NOL9: variants seen among roughly 807,000 people sequenced by gnomAD.
The protein encoded by NOL9 is polynucleotide 5'-hydroxyl-kinase NOL9.
In NOL9, 28 loss-of-function variants were observed where a neutral mutation model predicts 67.9. That is an observed-to-expected ratio of 0.41 (90% CI 0.31 to 0.57). The LOEUF is 0.57. NOL9 is among the 20% of genes least tolerant of loss of function. NOL9 has a pLI of 0.25. For missense variants in NOL9, 777 were observed against 897.0 expected (o/e 0.87, Z 1.71); for synonymous variants, 356 against 352.2 (o/e 1.01, Z -0.12).
intron 9 of NOL9, among the ~76,000 whole-genome samples, chr1:6,529,685 G>T (rs1175485282): frequency 6.6e-6 from 1 of 152,154 alleles, no homozygotes; most frequent in Non-Finnish European, 1.5e-5. Flanking sequence ...CAACCCATTG[G>T]GAGGCCAAGG....
intron 5 of NOL9, among the ~76,000 whole-genome samples, chr1:6,542,716 C>CA (rs1639326357): frequency 6.6e-6 from 1 of 152,098 alleles, no homozygotes; most frequent in Non-Finnish European, 1.5e-5. Context: ...CTCAGCCTCC[C>CA]AAAGTGCTGG....
intron 10 of NOL9, among the ~76,000 whole-genome samples, chr1:6,528,123 C>A (rs1052026358): frequency 6.6e-6 from 1 of 152,158 alleles, no homozygotes; most frequent in African/African-American, 2.4e-5. Context: ...TAATTTGGGA[C>A]TACTTAGCTC....
At chr1:6,550,746 C>T (rs1314794197) in intron 1 of NOL9, 131 bp from the exon 2 acceptor site, 6 of 650,412 alleles carry the variant, frequency 9.2e-6, no homozygotes, top group Admixed American at 6.0e-5. Context: ...TACAATGGCA[C>T]AATCTCGGCT....
intron 1 of NOL9, among the ~76,000 whole-genome samples, chr1:6,553,102 G>A (rs948073278): frequency 2.0e-5 from 3 of 152,192 alleles, no homozygotes; most frequent in Non-Finnish European, 1.5e-5. Context: ...CTGAGCCACC[G>A]CGCCTGGCCC....
Position 6,532,584 on chromosome 1 carries a change from C to T in NOL9, c.1414G>A (p.Ala472Thr), listed in dbSNP as rs150920692. ...TKMRNRRFRL[A>T]AFADALEFAD... is the part of the protein sequence containing the mutation. ...AATTCCAAAGCATCTGCAAATGCTGCGAGTCTGAAACGTCGATTTCTCATC... is the reference window on the plus strand; with the variant it reads ...AATTCCAAAGCATCTGCAAATGCTGTGAGTCTGAAACGTCGATTTCTCATC... Residue 472 changes from alanine to threonine, a missense_variant, in exon 8 of 12, where the codon GCA becomes ACA. By Grantham distance (58) the Ala-to-Thr change is moderately conservative (BLOSUM62 0). This residue lies in a region of NOL9 where 413 missense variants were observed against 552.6 expected (regional missense o/e 0.75). Coordinates refer to ENST00000377705, the MANE Select transcript of NOL9 (RefSeq NM_024654.5). 27 of 1,614,032 alleles carry T rather than the reference C, an allele frequency of 1.7e-5. No individual in the cohort carries two copies. The highest frequency in any genetic ancestry group is 2.2e-5 in the Non-Finnish European group (26 of 1,180,040).
chr1:6,529,181 G>A lies in NOL9; in HGVS notation c.1648-10C>T. On this transcript the variant is annotated splice_polypyrimidine_tract_variant and intron_variant, in intron 9 of 11. Coordinates refer to ENST00000377705, the MANE Select transcript of NOL9 (RefSeq NM_024654.5). Reference sequence around the variant, plus strand: ...CTGCATTGAAAGGGACCTGGAAAATGAATTTGCATCTCACTCTATTCATGG... The same window carrying A: ...CTGCATTGAAAGGGACCTGGAAAATAAATTTGCATCTCACTCTATTCATGG... 6.2e-7 allele frequency: 1 copy of A among 1,608,896 alleles called. No homozygotes were observed. The highest frequency in any genetic ancestry group is 8.5e-7 in the Non-Finnish European group (1 of 1,175,714).
chr1:6,524,252 T>TAG lies in NOL9; in HGVS notation c.*1601_*1602insCT, dbSNP rs1638831158. On this transcript the variant is annotated 3_prime_UTR_variant, in exon 12 of 12. Transcript: ENST00000377705. Reference sequence around the variant, plus strand: ...TAAAGACAATGATAACCAACAGTTGTATAAGTGTATATAAGTGTTAAAACC... The same window carrying TAG: ...TAAAGACAATGATAACCAACAGTTGTAGATAAGTGTATATAAGTGTTAAAACC... The TAG allele has an allele frequency of 2.2e-3, 1 of 452 alleles. No individual in the cohort carries two copies. 0.0% of individuals were successfully genotyped at this position (452 alleles called of 1,614,324 possible). A position where few individuals can be genotyped will look rare whatever the true frequency, so the allele number is the denominator to read the frequency against.
intron 6 of NOL9, 112 bp from the exon 7 acceptor site, chr1:6,533,553 G>A (rs575895413): frequency 5.3e-6 from 4 of 749,034 alleles, no homozygotes; most frequent in Non-Finnish European, 8.0e-6. Flanking sequence ...AGAACCTTAG[G>A]AAATCTGAGA....
rs1332610235 is a variant in NOL9, at chr1:6,553,971, G to A, written c.396+136C>T. 7 of 664,906 alleles carry A rather than the reference G, an allele frequency of 1.1e-5. No homozygotes were observed. The East Asian group carries it at 1.4e-4, about 13-fold the overall frequency. The allele number at this position is 664,906 out of a possible 1,614,324, so 41.2% of individuals were successfully genotyped here. On this transcript the variant is annotated intron_variant, in intron 1 of 11. Transcript: ENST00000377705. Reference sequence around the variant, plus strand: ...GCCTAGTTGCCACCAACCATCAAGAGGATGGACTTGAATCCGACTGGCAGC... The same window carrying A: ...GCCTAGTTGCCACCAACCATCAAGAAGATGGACTTGAATCCGACTGGCAGC...
intron 3 of NOL9, among the ~76,000 whole-genome samples, chr1:6,545,461 A>G (rs1244910677): frequency 3.3e-5 from 5 of 152,250 alleles, no homozygotes; most frequent in Non-Finnish European, 7.3e-5. Flanking sequence ...CACAGGAAAC[A>G]TTCAGCAGGA....
chr1:6,554,454 A>G lies in NOL9; in HGVS notation c.49T>C (p.Trp17Arg). The change falls in exon 1 of 12, where the codon TGG (tryptophan) becomes CGG (arginine). Residue 17 changes from tryptophan (W) to arginine (R), a missense_variant. Physicochemically the swap from Trp to Arg is moderately radical, Grantham distance 101. This residue lies in a region of NOL9 where 364 missense variants were observed against 344.4 expected (regional missense o/e 1.06). Transcript: ENST00000377705. ...GGCCGGGCCTTGCGGACCCGCAGCC[A>G]AGTGGAACGGCAGGAACCCCGCTTT... ...LLKRGSCRST[W>R]LRVRKARPQL... The G allele has an allele frequency of 6.4e-7, 1 of 1,551,700 alleles. No homozygotes were observed. Among genetic ancestry groups the G allele is most frequent in the East Asian group, 2.6e-5 (1 of 38,206 alleles).
intron 6 of NOL9, among the ~76,000 whole-genome samples, chr1:6,534,858 C>T (rs1639113918): frequency 6.6e-6 from 1 of 152,090 alleles, no homozygotes; most frequent in Non-Finnish European, 1.5e-5. Context: ...GGCTGGAGTG[C>T]AGTGGCGCAA....
chr1:6,529,303 A>T (rs902646308), intron 9 of NOL9, 132 bp from the exon 10 acceptor site: 4 of 811,364 alleles, frequency 4.9e-6, no homozygotes, highest in Admixed American at 5.3e-5. Flanking sequence ...TCTAAAGAAT[A>T]AAAACAGCCA....
At position 6,541,947 on chromosome 1, in the gene NOL9, A is replaced by G. The variant is rs1209519894; in HGVS notation, c.978-20T>C. 1.3e-6 allele frequency: 2 copies of G among 1,514,762 alleles called. No individual in the cohort carries two copies. The highest frequency in any genetic ancestry group is 2.8e-5 in the African/African-American group (2 of 71,296). 93.8% of individuals were successfully genotyped at this position (1,514,762 alleles called of 1,614,324 possible). ...GGAAGACTGCAAATTTTTAAAAAAG[A>G]AAAAAGAAAGAAAATCCTAACTAGC... On this transcript the variant is annotated intron_variant, in intron 5 of 11. Transcript: ENST00000377705.
At position 6,554,391 on chromosome 1, in the gene NOL9, C is replaced by A. The variant is rs1184201978; in HGVS notation, c.112G>T (p.Gly38Trp). 6.7e-7 allele frequency: 1 copy of A among 1,491,374 alleles called. No individual in the cohort carries two copies. The highest frequency in any genetic ancestry group is 1.5e-5 in the African/African-American group (1 of 68,850). The allele number at this position is 1,491,374 out of a possible 1,614,324, so 92.4% of individuals were successfully genotyped here. Residue 38 changes from glycine (G) to tryptophan (W), a missense_variant, in exon 1 of 12, where the codon GGG becomes TGG. By Grantham distance (184) the Gly-to-Trp change is radical. Transcript: ENST00000377705. ...CGCCGACCGCACCAGCGCAGGCTCCCGAGCCGGCGGCGGGGCCGGCGGCTG... is the reference window on the plus strand; with the variant it reads ...CGCCGACCGCACCAGCGCAGGCTCCAGAGCCGGCGGCGGGGCCGGCGGCTG... ...ILSRRPRRRL[G>W]SLRWCGRRRL...
At position 6,531,957 on chromosome 1, in the gene NOL9, G is replaced by A. The variant is rs762480271; in HGVS notation, c.1647+11C>T. The A allele has an allele frequency of 7.5e-6, 12 of 1,602,334 alleles. No homozygotes were observed. In the African/African-American group the frequency reaches 1.1e-4, roughly 14 times the overall value. ...AAAATGAAGACAATTTCTCCTGTAA[G>A]TTCAGATTACCTGATAGGGTGTCAG... On this transcript the variant is annotated intron_variant, in intron 9 of 11. Coordinates refer to ENST00000377705, the MANE Select transcript of NOL9 (RefSeq NM_024654.5).
chr1:6,526,002 C>T lies in NOL9; in HGVS notation c.1961G>A (p.Arg654His), dbSNP rs771563405. The change falls in exon 12 of 12, where the codon CGT becomes CAT. Residue 654 changes from arginine to histidine, a missense_variant and splice_region_variant. Physicochemically the swap from Arg to His is conservative, Grantham distance 29. Transcript: ENST00000377705. The stretch of plus-strand genomic sequence containing the variant: ...ATAAGGTACTGTCCCTTCGATCCCA[C>T]GCTGAAACGGAAACACAGAGAATGC... Reference protein sequence around the residue: ...AIPHCVLKCQRGIEGTVPYVT... With the variant: ...AIPHCVLKCQHGIEGTVPYVT... The T allele has an allele frequency of 5.0e-6, 8 of 1,613,686 alleles. No individual in the cohort carries two copies. The highest frequency in any genetic ancestry group is 1.7e-5 in the Admixed American group (1 of 59,994).
chr1:6,535,636 G>A (rs573199218), intron 6 of NOL9, among the ~76,000 whole-genome samples: 2 of 152,250 alleles, frequency 1.3e-5, no homozygotes, highest in Admixed American at 1.3e-4. Context: ...TTATTTTTAA[G>A]ACAGGGTCAG....
intron 8 of NOL9, 163 bp from the exon 9 acceptor site, chr1:6,532,242 C>A (rs1184274555): frequency 1.4e-6 from 1 of 725,334 alleles, no homozygotes; most frequent in Non-Finnish European, 2.3e-6. Context: ...AAAGACTCTC[C>A]TTTAAGTCAA....
Sources: allele counts gnomAD v4.1 joint callset (sites outside exome capture counted in the v4.1 genomes callset), GRCh38; gene constraint gnomAD v4.1.1; regional missense constraint gnomAD v4.1.1; transcripts MANE v1.5; gene names NCBI Gene and HGNC (gene_info 2026-07-23, HGNC 2026-07-21).